Variants in ALG12 observed in about 807,000 individuals in gnomAD.
The protein encoded by ALG12 is dol-P-Man:Man(7)GlcNAc(2)-PP-Dol alpha-1,6-mannosyltransferase.
Under a neutral mutation model 46.0 loss-of-function variants are expected in ALG12, and 36 were observed. The ratio of observed to expected loss-of-function variants is 0.78; its 90% CI spans 0.60 to 1.03. The LOEUF (loss-of-function observed/expected upper bound fraction) is 1.03. ALG12 is among the 50% of genes least tolerant of loss of function. ALG12 has a pLI of 0.00. For missense variants in ALG12, 599 were observed against 633.5 expected (o/e 0.95, Z 0.58); for synonymous variants, 326 against 291.6 (o/e 1.12, Z -1.20).
intron 1 of ALG12, among the ~76,000 whole-genome samples, chr22:49,917,911 C>T (rs1226071476): frequency 3.2e-5 from 3 of 92,570 alleles, no homozygotes; most frequent in Non-Finnish European, 6.7e-5. Flanking sequence ...GATCCCCAGC[C>T]CCCAGGTGAA....
At chr22:49,881,789 T>G in the ALG12 span, among the ~76,000 whole-genome samples, 1 of 152,288 alleles carries the variant, frequency 6.6e-6, no homozygotes, top group Non-Finnish European at 1.5e-5. Context: ...CACCTCAGCC[T>G]CCCAAGTACT....
chr22:49,904,834 G>A (rs1368105786), intron 7 of ALG12, among the ~76,000 whole-genome samples: 1 of 152,102 alleles, frequency 6.6e-6, no homozygotes, highest in Non-Finnish European at 1.5e-5. Context: ...CCGCCTCCTG[G>A]GTTCAAGTGA....
the ALG12 span, among the ~76,000 whole-genome samples, chr22:49,867,340 G>A: frequency 4.7e-3 from 709 of 152,274 alleles, 3 homozygotes; most frequent in African/African-American, 0.011. Flanking sequence ...AGGTTCCCTG[G>A]GCCCCTGAAG....
chr22:49,878,301 CA>C, the ALG12 span, among the ~76,000 whole-genome samples: 3,802 of 107,146 alleles, frequency 0.035, 97 homozygotes, highest in African/African-American at 0.1. Flanking sequence ...GACACTGTCT[CA>C]AAAAAAAAAA....
At position 49,903,441 on chromosome 22, in the gene ALG12, G is replaced by C; in HGVS notation, c.*397C>G. 1 of 466,792 alleles carries C rather than the reference G, an allele frequency of 2.1e-6. No individual in the cohort carries two copies. The highest frequency in any genetic ancestry group is 1.5e-5 in the South Asian group (1 of 64,604). 28.9% of individuals were successfully genotyped at this position (466,792 alleles called of 1,614,324 possible). On this transcript the variant is annotated 3_prime_UTR_variant, in exon 10 of 10. Transcript: ENST00000330817. ...AAGAGGCCCTCGGGCAGCAAGCGTG[G>C]GGTGCTGCCAAAATACAGCTCCCCC...
the ALG12 span, among the ~76,000 whole-genome samples, chr22:49,862,253 C>T: frequency 3.9e-5 from 6 of 152,138 alleles, no homozygotes; most frequent in African/African-American, 7.2e-5. Flanking sequence ...GCCGCAAAGT[C>T]GCTTGGAAGG....
the ALG12 span, among the ~76,000 whole-genome samples, chr22:49,861,434 A>G: frequency 6.6e-6 from 1 of 151,932 alleles, no homozygotes; most frequent in African/African-American, 2.4e-5. Flanking sequence ...GAGCCACCAC[A>G]CCTGACCTGT....
At chr22:49,896,814 T>A (rs1017210686), downstream of ALG12, among the ~76,000 whole-genome samples, 123 of 145,002 alleles carry the variant, frequency 8.5e-4, no homozygotes, top group African/African-American at 3.2e-3. Context: ...TTTTGTATAT[T>A]TTTTTTTAGT....
chr22:49,903,113 G>A lies in ALG12; in HGVS notation c.*725C>T, dbSNP rs968038263. 1 of 352,852 alleles carries A rather than the reference G, an allele frequency of 2.8e-6. No individual in the cohort carries two copies. Among genetic ancestry groups the A allele is most frequent in the Non-Finnish European group, 5.6e-6 (1 of 180,148 alleles). 21.9% of individuals were successfully genotyped at this position (352,852 alleles called of 1,614,324 possible). ...AAATGCATGGTCAGTGAGGCTGACA[G>A]CACCAAGCTGTCCCTTTACCATAAC... On this transcript the variant is annotated 3_prime_UTR_variant, in exon 10 of 10. Transcript: ENST00000330817.
chr22:49,871,357 G>T, the ALG12 span, among the ~76,000 whole-genome samples: 1 of 152,006 alleles, frequency 6.6e-6, no homozygotes, highest in Non-Finnish European at 1.5e-5. Flanking sequence ...GTGGTGGCAC[G>T]CACCTGTAAT....
rs753389161 is a variant in ALG12 at position 49,907,838 on chromosome 22, G to A, written c.875C>T (p.Thr292Met). ...GLVDRRTHAP[T>M]VLALGFMALY... ...TGCCATGAAGCCCAGTGCCAGCACCGTCGGCGCGTGCGTCCTTCTGTCTAC... is the reference window on the plus strand; with the variant it reads ...TGCCATGAAGCCCAGTGCCAGCACCATCGGCGCGTGCGTCCTTCTGTCTAC... Residue 292 changes from threonine to methionine, a missense_variant, in exon 7 of 10, where the codon ACG becomes ATG. By Grantham distance (81) the Thr-to-Met change is moderately conservative (BLOSUM62 -1). Transcript: ENST00000330817. 2.9e-5 allele frequency: 46 copies of A among 1,613,914 alleles called. 1 individual carries two copies. The highest frequency in any genetic ancestry group is 5.0e-5 in the Admixed American group (3 of 60,002).
Position 49,913,651 on chromosome 22 carries a change from G to C in ALG12, c.115C>G (p.Leu39Val), listed in dbSNP as rs1202397325. ...PYTKVEESFN[L>V]QATHDLLYHW... ...TAGAGCAGGTCATGTGTGGCCTGCA[G>C]GTTGAAGCTCTCCTCCACTTTGGTG... Residue 39 changes from leucine (L) to valine (V), a missense_variant, in exon 2 of 10, where the codon CTG (leucine) becomes GTG (valine). Transcript: ENST00000330817. The C allele has an allele frequency of 6.2e-7, 1 of 1,614,026 alleles. No homozygotes were observed. The highest frequency in any genetic ancestry group is 8.5e-7 in the Non-Finnish European group (1 of 1,180,038).
chr22:49,917,795 T>C (rs972899370), intron 1 of ALG12, among the ~76,000 whole-genome samples: 1 of 150,562 alleles, frequency 6.6e-6, no homozygotes, highest in African/African-American at 2.5e-5. Flanking sequence ...ACGTTTTATT[T>C]CCCCTAATTT....
chr22:49,865,103 G>A, the ALG12 span, among the ~76,000 whole-genome samples: 95,486 of 151,744 alleles, frequency 0.63, 34,122 homozygotes, highest in East Asian at 0.85. Flanking sequence ...CGATGTTGTC[G>A]TTGTGTGAAC....
the ALG12 span, among the ~76,000 whole-genome samples, chr22:49,876,005 G>T: frequency 1.3e-5 from 2 of 151,082 alleles, no homozygotes; most frequent in South Asian, 2.1e-4. Flanking sequence ...CTTACTTTGG[G>T]ATTAAATTTG....
chr22:49,882,594 C>T, the ALG12 span, among the ~76,000 whole-genome samples: 1 of 152,360 alleles, frequency 6.6e-6, no homozygotes, highest in Non-Finnish European at 1.5e-5. Flanking sequence ...TACACCCTTA[C>T]AGCTCCTGCC....
chr22:49,893,890 G>A, the ALG12 span, among the ~76,000 whole-genome samples: 4 of 152,316 alleles, frequency 2.6e-5, no homozygotes, highest in Non-Finnish European at 4.4e-5. Context: ...TGGGCCAGGT[G>A]CAGTGGCTCA....
chr22:49,883,454 C>G, the ALG12 span: 3 of 591,294 alleles, frequency 5.1e-6, no homozygotes, highest in Non-Finnish European at 8.0e-6. Flanking sequence ...AGTAGCAGGA[C>G]TCTTGGAAAG....
intron 1 of ALG12, among the ~76,000 whole-genome samples, chr22:49,917,686 C>G (rs1261512674): frequency 6.6e-6 from 1 of 150,490 alleles, no homozygotes; most frequent in Non-Finnish European, 1.5e-5. Flanking sequence ...AGAAAAGAAA[C>G]TGGTCAAATC....
Sources: gnomAD v4.1 joint callset for allele counts (sites outside exome capture counted in the v4.1 genomes callset) on GRCh38, gnomAD v4.1.1 for gene constraint, MANE v1.5 for transcripts, NCBI Gene and HGNC (gene_info 2026-07-23, HGNC 2026-07-21) for gene names.